The following OR6C74 variants were observed in gnomAD, a reference collection of about 807,000 sequenced individuals.
OR6C74 encodes olfactory receptor 6C74.
For missense variants in OR6C74, 361 were observed against 362.9 expected (o/e 0.99, Z 0.04); for synonymous variants, 142 against 134.2 (o/e 1.06, Z -0.40).
At position 55,250,838 on chromosome 12, in the gene OR6C74, A is replaced by G. The variant is rs1226397772; in HGVS notation, c.*2612A>G. On this transcript the variant is annotated 3_prime_UTR_variant, in exon 2 of 2. Transcript: ENST00000343399. ...AAATTTAATTTCACCACTAAAAGTA[A>G]TGGTGAAATCACAATTCCTTTTGTA... is the stretch of plus-strand genomic sequence containing the variant. 1.3e-5 allele frequency among the ~76,000 whole-genome samples: 2 copies of G among 152,120 alleles called. No individual in the cohort carries two copies. The highest frequency in any genetic ancestry group is 4.8e-5 in the African/African-American group (2 of 41,438).
At position 55,247,549 on chromosome 12, in the gene OR6C74, A is replaced by G. The variant is rs770924268; in HGVS notation, c.262A>G (p.Lys88Glu). The G allele has an allele frequency of 6.2e-7, 1 of 1,613,362 alleles. No homozygotes were observed. The highest frequency in any genetic ancestry group is 1.7e-5 in the Admixed American group (1 of 59,942). The change falls in exon 2 of 2, where the codon AAG (lysine) becomes GAG (glutamate). Residue 88 changes from lysine to glutamate, a missense_variant. Transcript: ENST00000343399. ...KFLVSMATGD[K>E]TISYNDCAAQ... ...TCTTGTTAGTATGGCAACAGGTGAT[A>G]AGACCATTTCTTACAACGATTGTGC...
chr12:55,253,901 T>C lies in OR6C74; in HGVS notation c.*5675T>C, dbSNP rs971678421. Among the ~76,000 whole-genome samples the C allele has an allele frequency of 6.6e-6, 1 of 152,104 alleles. No individual in the cohort carries two copies. The highest frequency in any genetic ancestry group is 1.9e-4 in the East Asian group (1 of 5,190). ...CTCCATTATGATGGCTAATTCATTC[T>C]TCCTTTCACTTATCCTAGAGTTCTT... On this transcript the variant is annotated 3_prime_UTR_variant, in exon 2 of 2. Transcript: ENST00000343399.
At position 55,253,228 on chromosome 12, in the gene OR6C74, A is replaced by G. The variant is rs1342992287; in HGVS notation, c.*5002A>G. ...AATTATTTTTGATTTATTCTAGTAA[A>G]TGGGCCATAACTGAAAAGACAGTTG... On this transcript the variant is annotated 3_prime_UTR_variant, in exon 2 of 2. Coordinates refer to ENST00000343399, the MANE Select transcript of OR6C74 (RefSeq NM_001005490.2). 6.6e-6 allele frequency among the ~76,000 whole-genome samples: 1 copy of G among 152,090 alleles called. No homozygotes were observed. The highest frequency in any genetic ancestry group is 1.5e-5 in the Non-Finnish European group (1 of 67,958).
Position 55,253,347 on chromosome 12 carries a change from G to A in OR6C74, c.*5121G>A, listed in dbSNP as rs533331002. ...AGAGGCAGACAGTTGAGTTCAATGG[G>A]TATGTGGATTAAGTCACCACTCCTG... On this transcript the variant is annotated 3_prime_UTR_variant, in exon 2 of 2. Coordinates refer to ENST00000343399, the MANE Select transcript of OR6C74 (RefSeq NM_001005490.2). 6.6e-6 allele frequency among the ~76,000 whole-genome samples: 1 copy of A among 152,014 alleles called. No homozygotes were observed. The highest frequency in any genetic ancestry group is 1.9e-4 in the East Asian group (1 of 5,182).
Position 55,249,390 on chromosome 12 carries a change from C to A in OR6C74, c.*1164C>A, listed in dbSNP as rs1954297378. On this transcript the variant is annotated 3_prime_UTR_variant, in exon 2 of 2. Transcript: ENST00000343399. Reference sequence around the variant, plus strand: ...GTTTCCACATAAGGTAACTGATAACCTTATGAATAATTCTGACTGGAAGGA... The same window carrying A: ...GTTTCCACATAAGGTAACTGATAACATTATGAATAATTCTGACTGGAAGGA... 6.6e-6 allele frequency among the ~76,000 whole-genome samples: 1 copy of A among 151,946 alleles called. No homozygotes were observed. Among genetic ancestry groups the A allele is most frequent in the Admixed American group, 6.6e-5 (1 of 15,240 alleles).
rs1954345634 is a variant in OR6C74, at chr12:55,256,384, C to T, written c.*8158C>T. The stretch of plus-strand genomic sequence containing the variant: ...CCCTTCTGATATTTTCCGGTCTAAC[C>T]GGTTGTCTAGCTTCACCTCCTGTTT... On this transcript the variant is annotated 3_prime_UTR_variant, in exon 2 of 2. Coordinates refer to ENST00000343399, the MANE Select transcript of OR6C74 (RefSeq NM_001005490.2). Among the ~76,000 whole-genome samples the T allele has an allele frequency of 2.0e-5, 3 of 152,034 alleles. No individual in the cohort carries two copies. The highest frequency in any genetic ancestry group is 1.3e-4 in the Admixed American group (2 of 15,252).
chr12:55,247,601 TG>T lies in OR6C74; in HGVS notation c.319del (p.Ala107GlnfsTer28), dbSNP rs1369993388. 2 of 1,613,974 alleles carry T rather than the reference TG, an allele frequency of 1.2e-6. No homozygotes were observed. The highest frequency in any genetic ancestry group is 1.3e-5 in the African/African-American group (1 of 75,040). ...GCACAGCTGTTTTTCACTATTCTCT[TG>T]GGGGCAACTGAATTTTTTCTTCTGG... ...CAAQLFFTIL[L>X]GATEFFLLAA... On this transcript the variant is annotated frameshift_variant, in exon 2 of 2. Coordinates refer to ENST00000343399, the MANE Select transcript of OR6C74 (RefSeq NM_001005490.2). LOFTEE classifies it low-confidence loss of function (END_TRUNC).
At position 55,250,201 on chromosome 12, in the gene OR6C74, T is replaced by C. The variant is rs138395926; in HGVS notation, c.*1975T>C. On this transcript the variant is annotated 3_prime_UTR_variant, in exon 2 of 2. Transcript: ENST00000343399. The stretch of plus-strand genomic sequence containing the variant: ...AATTTAAGTTGTTGCCAAATGCAAA[T>C]ATGTAACATATTTATTTTATATTTC... Among the ~76,000 whole-genome samples, 327 of 152,270 alleles carry C rather than the reference T, an allele frequency of 2.1e-3. 1 individual carries two copies. The highest frequency in any genetic ancestry group is 7.6e-3 in the African/African-American group (315 of 41,578).
At position 55,247,711 on chromosome 12, in the gene OR6C74, C is replaced by G. The variant is rs1470051615; in HGVS notation, c.424C>G (p.Leu142Val). ...TIMSSRVCSLLVFASWMAGFL... is the reference protein window; with the variant it reads ...TIMSSRVCSLVVFASWMAGFL... Reference sequence around the variant, plus strand: ...CATGAGCAGCAGAGTTTGCAGCTTGCTGGTCTTTGCTTCATGGATGGCTGG... The same window carrying G: ...CATGAGCAGCAGAGTTTGCAGCTTGGTGGTCTTTGCTTCATGGATGGCTGG... The change falls in exon 2 of 2, where the codon CTG becomes GTG. Residue 142 changes from leucine to valine, a missense_variant. Transcript: ENST00000343399. 3 of 1,614,024 alleles carry G rather than the reference C, an allele frequency of 1.9e-6. No individual in the cohort carries two copies. Among genetic ancestry groups the G allele is most frequent in the Admixed American group, 1.7e-5 (1 of 59,998 alleles).
chr12:55,248,071 G>A lies in OR6C74; in HGVS notation c.784G>A (p.Ala262Thr). The A allele has an allele frequency of 1.2e-6, 2 of 1,614,008 alleles. No individual in the cohort carries two copies. Among genetic ancestry groups the A allele is most frequent in the Non-Finnish European group, 1.7e-6 (2 of 1,179,974 alleles). ...CATCTTCATGTATGTGAAACCCTCA[G>A]CAAAAGAAAGAGTGTCATTAAATAA... ...SCIFMYVKPS[A>T]KERVSLNKGI... Residue 262 changes from alanine (A) to threonine (T), a missense_variant, in exon 2 of 2, where the codon GCA (alanine) becomes ACA (threonine). By Grantham distance (58) the Ala-to-Thr change is moderately conservative (BLOSUM62 0). Transcript: ENST00000343399.
In OR6C74 at chr12:55,247,846, T is replaced by G. The variant is rs1390487169; in HGVS notation, c.559T>G (p.Cys187Gly). The change falls in exon 2 of 2, where the codon TGC becomes GGC. Residue 187 changes from cysteine to glycine, a missense_variant. Coordinates refer to ENST00000343399, the MANE Select transcript of OR6C74 (RefSeq NM_001005490.2). The part of the protein sequence containing the change: ...CDVSPILQLS[C>G]TDTDIIELMM... Reference sequence around the variant, plus strand: ...TGTTTCTCCTATACTGCAGCTCTCTTGCACAGACACTGACATAATAGAATT... The same window carrying G: ...TGTTTCTCCTATACTGCAGCTCTCTGGCACAGACACTGACATAATAGAATT... The G allele has an allele frequency of 1.5e-5, 24 of 1,613,974 alleles. No homozygotes were observed. Among genetic ancestry groups the G allele is most frequent in the East Asian group, 4.5e-5 (2 of 44,886 alleles).
rs1271651365 is a variant in OR6C74, at chr12:55,254,819, T to A, written c.*6593T>A. ...GATAATATTTGATGCCATAGACTTG[T>A]AATATTCCATTTTCTTATGGTTGCA... On this transcript the variant is annotated 3_prime_UTR_variant, in exon 2 of 2. Coordinates refer to ENST00000343399, the MANE Select transcript of OR6C74 (RefSeq NM_001005490.2). Among the ~76,000 whole-genome samples, 1 of 152,110 alleles carries A rather than the reference T, an allele frequency of 6.6e-6. No homozygotes were observed. Among genetic ancestry groups the A allele is most frequent in the Non-Finnish European group, 1.5e-5 (1 of 67,986 alleles).
At chr12:55,244,971 G>GA (rs1036475550) in intron 1 of OR6C74, among the ~76,000 whole-genome samples, 154 bp downstream of exon 1, 3 of 151,916 alleles carry the variant, frequency 2.0e-5, no homozygotes, top group Non-Finnish European at 2.9e-5. Context: ...GGACTTACCT[G>GA]AAAAAAGACA....
rs1254944530 is a variant in OR6C74 at position 55,253,832 on chromosome 12, T to C, written c.*5606T>C. Reference sequence around the variant, plus strand: ...AGACAACTTTCTTCATGGGTTCTGGTTCTATGAAAGGATTGAAGTCTGTAA... The same window carrying C: ...AGACAACTTTCTTCATGGGTTCTGGCTCTATGAAAGGATTGAAGTCTGTAA... On this transcript the variant is annotated 3_prime_UTR_variant, in exon 2 of 2. Transcript: ENST00000343399. Among the ~76,000 whole-genome samples the C allele has an allele frequency of 6.6e-6, 1 of 152,092 alleles. No homozygotes were observed. Among genetic ancestry groups the C allele is most frequent in the Non-Finnish European group, 1.5e-5 (1 of 67,974 alleles).
Position 55,255,065 on chromosome 12 carries a change from C to A in OR6C74, c.*6839C>A, listed in dbSNP as rs1462370589. Among the ~76,000 whole-genome samples the A allele has an allele frequency of 1.3e-5, 2 of 152,018 alleles. No homozygotes were observed. Among genetic ancestry groups the A allele is most frequent in the African/African-American group, 2.4e-5 (1 of 41,386 alleles). ...GCCTTGAAAGATCGAAATAATACCTCCCTCCAGGGCAGAAGGGAGATTTGC... is the reference window on the plus strand; with the variant it reads ...GCCTTGAAAGATCGAAATAATACCTACCTCCAGGGCAGAAGGGAGATTTGC... On this transcript the variant is annotated 3_prime_UTR_variant, in exon 2 of 2. Coordinates refer to ENST00000343399, the MANE Select transcript of OR6C74 (RefSeq NM_001005490.2).
At position 55,254,484 on chromosome 12, in the gene OR6C74, T is replaced by C. The variant is rs1017255498; in HGVS notation, c.*6258T>C. Among the ~76,000 whole-genome samples the C allele has an allele frequency of 5.3e-5, 8 of 152,114 alleles. No individual in the cohort carries two copies. The highest frequency in any genetic ancestry group is 1.2e-4 in the Non-Finnish European group (8 of 68,002). On this transcript the variant is annotated 3_prime_UTR_variant, in exon 2 of 2. Transcript: ENST00000343399. ...AGGATGTAAATTTAACCAATATTGC[T>C]GTATAATAAACTGCGAGATCAGAGC...
At position 55,249,617 on chromosome 12, in the gene OR6C74, A is replaced by G. The variant is rs980969237; in HGVS notation, c.*1391A>G. On this transcript the variant is annotated 3_prime_UTR_variant, in exon 2 of 2. Coordinates refer to ENST00000343399, the MANE Select transcript of OR6C74 (RefSeq NM_001005490.2). Reference sequence around the variant, plus strand: ...CTGAGAAGATTCAAATAGACTTTTCAATAGTGGTCATGTATGTGTAAATGG... The same window carrying G: ...CTGAGAAGATTCAAATAGACTTTTCGATAGTGGTCATGTATGTGTAAATGG... Among the ~76,000 whole-genome samples, 2 of 152,130 alleles carry G rather than the reference A, an allele frequency of 1.3e-5. No individual in the cohort carries two copies. The highest frequency in any genetic ancestry group is 1.9e-4 in the East Asian group (1 of 5,190).
At chr12:55,247,204 A>G in intron 1 of OR6C74, 75 bp from the exon 2 acceptor site, 1 of 792,592 alleles carries the variant, frequency 1.3e-6, no homozygotes, top group East Asian at 2.5e-5. Context: ...TTTATGGTGG[A>G]TTTCAAGAAA....
In OR6C74 at chr12:55,256,066, G is replaced by A. The variant is rs904385015; in HGVS notation, c.*7840G>A. Reference sequence around the variant, plus strand: ...TATTGTAAATACAAAATTGCATGCAGGATTGTGTAAAGACAATGCCAGGTT... The same window carrying A: ...TATTGTAAATACAAAATTGCATGCAAGATTGTGTAAAGACAATGCCAGGTT... On this transcript the variant is annotated 3_prime_UTR_variant, in exon 2 of 2. Transcript: ENST00000343399. Among the ~76,000 whole-genome samples the A allele has an allele frequency of 6.6e-6, 1 of 152,056 alleles. No individual in the cohort carries two copies. Among genetic ancestry groups the A allele is most frequent in the Non-Finnish European group, 1.5e-5 (1 of 67,996 alleles).
Sources: allele counts gnomAD v4.1 joint callset (sites outside exome capture counted in the v4.1 genomes callset), GRCh38; gene constraint gnomAD v4.1.1; transcripts MANE v1.5; gene names NCBI Gene and HGNC (gene_info 2026-07-23, HGNC 2026-07-21).